EDARADD: variants seen among roughly 807,000 people sequenced by gnomAD.
The protein encoded by EDARADD is ectodysplasin-A receptor-associated adapter protein.
EDARADD carries 20 observed loss-of-function variants against 25.6 expected under a neutral mutation model. The ratio of observed to expected loss-of-function variants is 0.78; its 90% CI spans 0.55 to 1.14. The LOEUF is 1.14. Among genes scored for constraint, EDARADD ranks in the 50% most tolerant of loss-of-function variants. The pLI, the probability that EDARADD is intolerant of heterozygous loss-of-function variation, is 0.00. For synonymous variants in EDARADD, 86 were observed against 94.4 expected (o/e 0.91, Z 0.52); for missense variants, 225 against 270.1 (o/e 0.83, Z 1.17).
chr1:236,452,309 C>G (rs1658734679), intron 4 of EDARADD, among the ~76,000 whole-genome samples: 1 of 152,210 alleles, frequency 6.6e-6, no homozygotes, highest in South Asian at 2.1e-4. Context: ...TAAGAAATCT[C>G]TTTCTCTTAT....
chr1:236,407,558 C>T (rs577812691), intron 1 of EDARADD, among the ~76,000 whole-genome samples: 7 of 151,990 alleles, frequency 4.6e-5, no homozygotes, highest in Admixed American at 4.6e-4. Context: ...TCCTGCTGTG[C>T]TTATTTGGAT....
At position 236,405,822 on chromosome 1, in the gene EDARADD, T is replaced by TTCCC. The variant is rs1667711688; in HGVS notation, c.62-3393_62-3392insCCCT. ...TTTCTTTCTTTCTTTCCTTCCTTCC[T>TTCCC]TTCCTTCCTTCCTTCCTTCCTTCCT... On this transcript the variant is annotated intron_variant, in intron 1 of 5. Coordinates refer to ENST00000334232, the MANE Select transcript of EDARADD (RefSeq NM_145861.4). Among the ~76,000 whole-genome samples, 401 of 55,416 alleles carry TTCCC rather than the reference T, an allele frequency of 7.2e-3. 20 individuals carry two copies. The highest frequency in any genetic ancestry group is 0.022 in the African/African-American group (288 of 12,824). 36.4% of individuals were successfully genotyped at this position (55,416 alleles called of 152,430 possible).
At chr1:236,466,839 T>A (rs768046967) in intron 4 of EDARADD, among the ~76,000 whole-genome samples, 1 of 152,032 alleles carries the variant, frequency 6.6e-6, no homozygotes, top group Non-Finnish European at 1.5e-5. Context: ...GAGGCCAAGG[T>A]GGGCGGATCA....
chr1:236,399,244 C>T lies in EDARADD; in HGVS notation c.61+4739C>T, dbSNP rs545994473. Among the ~76,000 whole-genome samples the T allele has an allele frequency of 9.9e-5, 15 of 152,220 alleles. No individual in the cohort carries two copies. The South Asian group carries it at 1.9e-3, about 19-fold the overall frequency. On this transcript the variant is annotated intron_variant, in intron 1 of 5. Coordinates refer to ENST00000334232, the MANE Select transcript of EDARADD (RefSeq NM_145861.4). ...TTGCCCAGGCTGGAGTGCAATGATG[C>T]GATCTTGGCTCACGGTGACCTCCAC...
In EDARADD at chr1:236,468,241, A is replaced by T. The variant is rs1659269410; in HGVS notation, c.230A>T (p.Asn77Ile). 6.2e-7 allele frequency: 1 copy of T among 1,614,002 alleles called. No individual in the cohort carries two copies. The highest frequency in any genetic ancestry group is 8.5e-7 in the Non-Finnish European group (1 of 1,179,974). The change falls in exon 5 of 6, where the codon AAT (asparagine) becomes ATT (isoleucine). Residue 77 changes from asparagine (N) to isoleucine (I), a missense_variant. Coordinates refer to ENST00000334232, the MANE Select transcript of EDARADD (RefSeq NM_145861.4). Reference sequence around the variant, plus strand: ...CTTTTTGGTTTTTAGGGAGAAGAAAATGGCTTTCCAGATAGCACTGGAGAT... The same window carrying T: ...CTTTTTGGTTTTTAGGGAGAAGAAATTGGCTTTCCAGATAGCACTGGAGAT... The part of the protein sequence containing the change: ...NSDMKNQGEE[N>I]GFPDSTGDPL...
intron 3 of EDARADD, among the ~76,000 whole-genome samples, chr1:236,371,869 G>T (rs1233735997): frequency 6.6e-6 from 1 of 152,114 alleles, no homozygotes; most frequent in East Asian, 1.9e-4. Flanking sequence ...ACCGGGCCCA[G>T]TCGTAGATGT....
At chr1:236,412,133 G>C (rs16833645) in intron 2 of EDARADD, among the ~76,000 whole-genome samples, 3 of 152,126 alleles carry the variant, frequency 2.0e-5, no homozygotes, top group South Asian at 2.1e-4. Flanking sequence ...CTGTGTAGCT[G>C]TGTGGTGCTT....
At chr1:236,461,643 G>A (rs969837735) in intron 4 of EDARADD, among the ~76,000 whole-genome samples, 3 of 152,266 alleles carry the variant, frequency 2.0e-5, no homozygotes, top group South Asian at 2.1e-4. Flanking sequence ...AGTCATAAGC[G>A]TGGGGAGCGT....
intron 3 of EDARADD, among the ~76,000 whole-genome samples, chr1:236,425,094 G>A (rs567965175): frequency 9.9e-5 from 15 of 152,264 alleles, no homozygotes; most frequent in Admixed American, 3.3e-4. Flanking sequence ...CCTGGGGATG[G>A]GGTCCTCATC....
chr1:236,473,020 T>G (rs1389480578), intron 5 of EDARADD, among the ~76,000 whole-genome samples: 1 of 152,198 alleles, frequency 6.6e-6, no homozygotes, highest in African/African-American at 2.4e-5. Flanking sequence ...TTTCATTTGA[T>G]TTTCTTCTTG....
At chr1:236,414,542 A>G (rs1315119062) in intron 3 of EDARADD, among the ~76,000 whole-genome samples, 1 of 152,240 alleles carries the variant, frequency 6.6e-6, no homozygotes, top group African/African-American at 2.4e-5. Context: ...ATAACAAATT[A>G]TGCGTTAAAT....
At chr1:236,435,769 G>A (rs540040554) in intron 4 of EDARADD, among the ~76,000 whole-genome samples, 1 of 152,310 alleles carries the variant, frequency 6.6e-6, no homozygotes, top group Non-Finnish European at 1.5e-5. Context: ...ATCAGCAGGA[G>A]TGGAGGATTA....
intron 3 of EDARADD, among the ~76,000 whole-genome samples, chr1:236,417,255 G>A (rs916109579): frequency 6.6e-6 from 1 of 152,204 alleles, no homozygotes; most frequent in African/African-American, 2.4e-5. Context: ...GGACGCCAAC[G>A]TTTAAGTGAG....
rs1367205479 is a variant in EDARADD, at chr1:236,412,036, CA to C, written c.121-2223del. ...CAACCCACAGTATTCCCGCTGGGTA[CA>C]GGATTTAGTATATACCCCTTGACAT... On this transcript the variant is annotated intron_variant, in intron 2 of 5. Transcript: ENST00000334232. Among the ~76,000 whole-genome samples the C allele has an allele frequency of 2.0e-5, 3 of 152,282 alleles. No individual in the cohort carries two copies. In the South Asian group the frequency reaches 6.2e-4, roughly 32 times the overall value.
intron 3 of EDARADD, among the ~76,000 whole-genome samples, chr1:236,383,563 G>A (rs1667323742): frequency 6.6e-6 from 1 of 152,138 alleles, no homozygotes; most frequent in Non-Finnish European, 1.5e-5. Context: ...AGGCAGAAGG[G>A]AAAATCTTGT....
chr1:236,459,747 G>A (rs1658988381), intron 4 of EDARADD, among the ~76,000 whole-genome samples: 2 of 150,988 alleles, frequency 1.3e-5, no homozygotes, highest in Non-Finnish European at 3.0e-5. Flanking sequence ...TGAGTAGCTG[G>A]GGTTACAGGC....
intron 2 of EDARADD, among the ~76,000 whole-genome samples, chr1:236,349,327 C>A (rs601044): frequency 0.35 from 52,734 of 151,816 alleles, 9,440 homozygotes; most frequent in African/African-American, 0.44. Context: ...GCGTGTTGCC[C>A]AAAAGAGTCA....
intron 4 of EDARADD, among the ~76,000 whole-genome samples, chr1:236,429,407 TCG>T (rs1399452344): frequency 2.0e-5 from 3 of 151,484 alleles, no homozygotes; most frequent in Non-Finnish European, 2.9e-5. Flanking sequence ...AGACAGAGTC[TCG>T]CTCTGTCACC....
intron 4 of EDARADD, among the ~76,000 whole-genome samples, chr1:236,432,987 A>G (rs1658147913): frequency 6.6e-6 from 1 of 152,076 alleles, no homozygotes; most frequent in Non-Finnish European, 1.5e-5. Context: ...TTATTGGCTC[A>G]TTTACTTGCG....
Sources: allele counts gnomAD v4.1 joint callset (sites outside exome capture counted in the v4.1 genomes callset), GRCh38; gene constraint gnomAD v4.1.1; transcripts MANE v1.5; gene names NCBI Gene and HGNC (gene_info 2026-07-23, HGNC 2026-07-21).